Variants in CACNA2D4 observed in about 807,000 individuals in gnomAD.
The protein encoded by CACNA2D4 is voltage-dependent calcium channel subunit alpha-2/delta-4.
CACNA2D4 carries 157 observed loss-of-function variants against 163.8 expected under a neutral mutation model. The ratio of observed to expected loss-of-function variants is 0.96; its 90% CI spans 0.84 to 1.09. The LOEUF is 1.09. Ranked by LOEUF, CACNA2D4 falls within the 50% of genes least tolerant of loss-of-function variation. The probability of loss-of-function intolerance (pLI) is 0.00; values close to 1 mark genes in which losing one functional copy is unlikely to be tolerated. For synonymous variants in CACNA2D4, 598 were observed against 586.9 expected (o/e 1.02, Z -0.27); for missense variants, 1,410 against 1,479.9 (o/e 0.95, Z 0.78).
intron 20 of CACNA2D4, 81 bp from the exon 21 acceptor site, chr12:1,856,310 A>G (rs1191438971): frequency 6.8e-7 from 1 of 1,473,190 alleles, no homozygotes; most frequent in Non-Finnish European, 9.5e-7. Flanking sequence ...ACAGCCACCC[A>G]GTGAGTTTCT....
chr12:1,880,993 T>C (rs1263205869), intron 13 of CACNA2D4, among the ~76,000 whole-genome samples: 1 of 152,144 alleles, frequency 6.6e-6, no homozygotes, highest in African/African-American at 2.4e-5. Flanking sequence ...TGCACTCATG[T>C]TTCTGGATAC....
chr12:1,795,860 T>G (rs1051841111), intron 35 of CACNA2D4, 80 bp from the exon 36 acceptor site: 15 of 936,862 alleles, frequency 1.6e-5, no homozygotes, highest in Admixed American at 6.9e-5. Context: ...TCTGGAGACT[T>G]TAGTGTGGAG....
At chr12:1,871,691 C>T in intron 18 of CACNA2D4, among the ~76,000 whole-genome samples, 1 of 151,940 alleles carries the variant, frequency 6.6e-6, no homozygotes, top group East Asian at 1.9e-4. Flanking sequence ...ACATGTGCTG[C>T]TGGTGTGTGT....
chr12:1,878,477 G>A lies in CACNA2D4; in HGVS notation c.1645-88C>T. ...GCAGGGGTTTGGGGGCCACAGGACGGTCAAAGATGGCAGCTCACAGCAGTG... is the reference window on the plus strand; with the variant it reads ...GCAGGGGTTTGGGGGCCACAGGACGATCAAAGATGGCAGCTCACAGCAGTG... On this transcript the variant is annotated intron_variant, in intron 15 of 37. Transcript: ENST00000382722. This position sits in a 1 kb window ranked among gnomAD's most constrained non-coding sequence, Gnocchi z 4.6. 1 of 1,549,766 alleles carries A rather than the reference G, an allele frequency of 6.5e-7. No homozygotes were observed. Among genetic ancestry groups the A allele is most frequent in the African/African-American group, 1.4e-5 (1 of 73,178 alleles).
intron 37 of CACNA2D4, 178 bp downstream of exon 37, chr12:1,795,121 T>A (rs755372355): frequency 1.2e-4 from 74 of 604,450 alleles, no homozygotes; most frequent in Non-Finnish European, 2.1e-4. Flanking sequence ...AATAAAGATC[T>A]GTTTCTTATT....
intron 26 of CACNA2D4, among the ~76,000 whole-genome samples, chr12:1,838,662 C>T (rs760766037): frequency 1.3e-4 from 20 of 152,204 alleles, no homozygotes; most frequent in Non-Finnish European, 2.2e-4. Context: ...CAACCCCTCT[C>T]GGCTCTAATT....
intron 26 of CACNA2D4, among the ~76,000 whole-genome samples, chr12:1,813,373 C>A (rs1370970629): frequency 6.6e-6 from 1 of 152,038 alleles, no homozygotes; most frequent in African/African-American, 2.4e-5. Flanking sequence ...TTTAGGGAAC[C>A]CCCGTCCTAA....
At chr12:1,908,348 G>A (rs1866718883) in intron 4 of CACNA2D4, among the ~76,000 whole-genome samples, 1 of 152,220 alleles carries the variant, frequency 6.6e-6, no homozygotes, top group Non-Finnish European at 1.5e-5. Flanking sequence ...CAGCCGCGGA[G>A]TCAAGGACAG....
intron 27 of CACNA2D4, among the ~76,000 whole-genome samples, chr12:1,811,054 C>A (rs765868419): frequency 2.6e-5 from 4 of 152,162 alleles, no homozygotes; most frequent in Admixed American, 2.0e-4. Context: ...GGTGGGTGAC[C>A]GCAGCCCCCT....
chr12:1,882,711 A>G (rs1310297205), intron 13 of CACNA2D4, among the ~76,000 whole-genome samples, 156 bp downstream of exon 13: 3 of 152,116 alleles, frequency 2.0e-5, no homozygotes, highest in Non-Finnish European at 4.4e-5. Context: ...AAAGAGGAGG[A>G]AAAGCATGGA....
chr12:1,897,492 C>T (rs1028755791), intron 6 of CACNA2D4, among the ~76,000 whole-genome samples: 10 of 152,134 alleles, frequency 6.6e-5, no homozygotes, highest in African/African-American at 2.4e-4. Context: ...TACATATTCC[C>T]ATAAATGTGT....
chr12:1,817,741 C>A (rs1223054544), intron 26 of CACNA2D4, among the ~76,000 whole-genome samples: 1 of 152,180 alleles, frequency 6.6e-6, no homozygotes, highest in Non-Finnish European at 1.5e-5. Context: ...CAGCCTCGGC[C>A]TCCCGAGGTG....
chr12:1,886,874 C>A, intron 7 of CACNA2D4, 135 bp downstream of exon 7: 1 of 618,584 alleles, frequency 1.6e-6, no homozygotes, highest in Non-Finnish European at 3.0e-6. Flanking sequence ...GCTCTTGTGT[C>A]GGGCTAGGGT....
At position 1,797,517 on chromosome 12, in the gene CACNA2D4, T is replaced by G; in HGVS notation, c.3014A>C (p.Gln1005Pro). 1 of 1,572,566 alleles carries G rather than the reference T, an allele frequency of 6.4e-7. No homozygotes were observed. The highest frequency in any genetic ancestry group is 1.3e-5 in the African/African-American group (1 of 74,162). ...CGTGTCGCAGGGCTGCAGCGGGTCC[T>G]GCTTCTTGTGTTTGTGGGCTGCGGG... ...VFHHSHKHKK[Q>P]DPLQPCDTEY... is the part of the protein sequence containing the mutation. Residue 1005 changes from glutamine (Q) to proline (P), a missense_variant, in exon 35 of 38, where the codon CAG becomes CCG. Gln to Pro is a moderately conservative substitution (Grantham distance 76, BLOSUM62 -1). Coordinates refer to ENST00000382722, the MANE Select transcript of CACNA2D4 (RefSeq NM_172364.5).
Position 1,886,301 on chromosome 12 carries a change from C to T in CACNA2D4, c.915G>A (p.Leu305=). 1 of 1,613,814 alleles carries T rather than the reference C, an allele frequency of 6.2e-7. No individual in the cohort carries two copies. The highest frequency in any genetic ancestry group is 8.5e-7 in the Non-Finnish European group (1 of 1,179,710). The change falls in exon 8 of 38, where the codon CTG becomes CTA. Residue 305 remains leucine (L), a synonymous_variant. Transcript: ENST00000382722. ...LVDVSGSMKG[L]RMTIAKHTIT... ...TGGTGTGCTTGGCAATAGTCATCCT[C>T]AGCCCCTTCATACTGCCGCTCACGT...
intron 26 of CACNA2D4, among the ~76,000 whole-genome samples, chr12:1,813,650 C>T (rs76831689): frequency 0.027 from 4,044 of 152,310 alleles, 78 homozygotes; most frequent in Non-Finnish European, 0.043. Flanking sequence ...TACCTCCCCT[C>T]CCTTGGAGTC....
intron 6 of CACNA2D4, among the ~76,000 whole-genome samples, chr12:1,888,527 A>G (rs1318169219): frequency 6.6e-6 from 1 of 152,246 alleles, no homozygotes; most frequent in East Asian, 1.9e-4. Context: ...ACCAAACACA[A>G]ACTAGGTAGG....
chr12:1,856,313 G>C (rs1865399660), intron 20 of CACNA2D4, 84 bp from the exon 21 acceptor site: 7 of 1,456,528 alleles, frequency 4.8e-6, no homozygotes, highest in Admixed American at 3.4e-5. Flanking sequence ...GCCACCCAGT[G>C]AGTTTCTAAA....
At chr12:1,900,900 A>G (rs966961395) in intron 6 of CACNA2D4, among the ~76,000 whole-genome samples, 6 of 152,174 alleles carry the variant, frequency 3.9e-5, no homozygotes, top group Non-Finnish European at 8.8e-5. Flanking sequence ...ACAGAATACA[A>G]ATTATTTTTA....
Sources: gnomAD v4.1 joint callset for allele counts (sites outside exome capture counted in the v4.1 genomes callset) on GRCh38, gnomAD v4.1.1 for gene constraint, Gnocchi (gnomAD v3.1) non-coding constraint, MANE v1.5 for transcripts, NCBI Gene and HGNC (gene_info 2026-07-23, HGNC 2026-07-21) for gene names.